The following UMODL1 variants were observed in gnomAD, a reference collection of about 807,000 sequenced individuals.
The protein encoded by UMODL1 is uromodulin like 1.
In UMODL1, 128 loss-of-function variants were observed where a neutral mutation model predicts 136.3. The ratio of observed to expected loss-of-function variants is 0.94; its 90% CI spans 0.81 to 1.09. The LOEUF (loss-of-function observed/expected upper bound fraction) is 1.09, where lower values mean the gene tolerates loss of function less well. Among genes scored for constraint, UMODL1 ranks in the 50% least tolerant of loss-of-function variants. The probability of loss-of-function intolerance (pLI) is 0.00; values close to 1 mark genes in which losing one functional copy is unlikely to be tolerated. For synonymous variants in UMODL1, 721 were observed against 720.0 expected (o/e 1.00, Z -0.02); for missense variants, 1,766 against 1,725.6 (o/e 1.02, Z -0.41).
At chr21:42,138,486 C>T (rs986263011) in intron 22 of UMODL1, among the ~76,000 whole-genome samples, 1 of 151,986 alleles carries the variant, frequency 6.6e-6, no homozygotes, top group African/African-American at 2.4e-5. Flanking sequence ...TAGTTCACCA[C>T]AAATGAATGA....
chr21:42,121,004 A>G lies in UMODL1; in HGVS notation c.2690-83A>G, dbSNP rs2066962784. On this transcript the variant is annotated intron_variant, in intron 15 of 22. Transcript: ENST00000408910. ...TGGAGTTTCCAGCTTTGTCTGTGAG[A>G]TGCACTCTCCCCCAACCAGGCTGCT... 3 of 1,512,050 alleles carry G rather than the reference A, an allele frequency of 2.0e-6. No homozygotes were observed. In the South Asian group the frequency reaches 3.9e-5, roughly 20 times the overall value. 93.7% of individuals were successfully genotyped at this position (1,512,050 alleles called of 1,614,324 possible).
intron 22 of UMODL1, among the ~76,000 whole-genome samples, chr21:42,139,928 A>T (rs771392363): frequency 6.6e-6 from 1 of 151,916 alleles, no homozygotes; most frequent in Non-Finnish European, 1.5e-5. Context: ...CACTTCCACA[A>T]GCGGGTGGCG....
chr21:42,142,740 C>T lies in UMODL1; in HGVS notation c.*666C>T, dbSNP rs2067299764. 1 of 152,214 alleles carries T rather than the reference C, an allele frequency of 6.6e-6. No homozygotes were observed. Among genetic ancestry groups the T allele is most frequent in the African/African-American group, 2.4e-5 (1 of 41,454 alleles). The allele number at this position is 152,214 out of a possible 1,614,324, so 9.4% of individuals were successfully genotyped here. ...GCAGAAATAACGTAGGTACACATCA[C>T]TCTTTACATTTTTCTAAGCATTTTC... On this transcript the variant is annotated 3_prime_UTR_variant, in exon 23 of 23. Coordinates refer to ENST00000408910, the MANE Select transcript of UMODL1 (RefSeq NM_001004416.3).
chr21:42,137,951 A>G (rs2067231155), intron 22 of UMODL1, among the ~76,000 whole-genome samples: 1 of 152,066 alleles, frequency 6.6e-6, no homozygotes. Context: ...TCCCTTCTGA[A>G]AAAGCAACCA....
Position 42,090,374 on chromosome 21 carries a change from C to T in UMODL1, c.867C>T (p.Tyr289=). The T allele has an allele frequency of 6.2e-7, 1 of 1,614,096 alleles. No individual in the cohort carries two copies. The highest frequency in any genetic ancestry group is 8.5e-7 in the Non-Finnish European group (1 of 1,179,968). ...RELCANLEGS[Y]WCVCHQEAPA... ...TGTGCGCAAACCTGGAGGGCTCGTA[C>T]TGGTGCGTCTGTCACCAGGAAGCTC... is the stretch of plus-strand genomic sequence containing the variant. The change falls in exon 6 of 23, where the codon TAC becomes TAT. Residue 289 remains tyrosine, a synonymous_variant. Coordinates refer to ENST00000408910, the MANE Select transcript of UMODL1 (RefSeq NM_001004416.3).
At chr21:42,117,636 A>G (rs2146518680) in intron 14 of UMODL1, among the ~76,000 whole-genome samples, 1 of 152,320 alleles carries the variant, frequency 6.6e-6, no homozygotes, top group Admixed American at 6.5e-5. Flanking sequence ...CTGTCGTGGT[A>G]ATACCGTAGC....
intron 20 of UMODL1, among the ~76,000 whole-genome samples, chr21:42,128,685 C>T (rs575032410): frequency 1.3e-5 from 2 of 152,334 alleles, no homozygotes; most frequent in East Asian, 1.9e-4. Flanking sequence ...GGAGCCTGCC[C>T]CTGGTTCCAC....
chr21:42,140,213 G>T (rs987495654), intron 22 of UMODL1, among the ~76,000 whole-genome samples: 2 of 152,208 alleles, frequency 1.3e-5, no homozygotes, highest in Non-Finnish European at 2.9e-5. Flanking sequence ...TGTTGACAAT[G>T]TCTGTTGTTT....
At chr21:42,110,574 G>C (rs1234357432) in intron 10 of UMODL1, among the ~76,000 whole-genome samples, 1 of 152,202 alleles carries the variant, frequency 6.6e-6, no homozygotes, top group Non-Finnish European at 1.5e-5. Flanking sequence ...ATTAATCTGA[G>C]GCCTATGAGA....
At chr21:42,121,921 T>A (rs555595042) in intron 16 of UMODL1, among the ~76,000 whole-genome samples, 1 of 152,156 alleles carries the variant, frequency 6.6e-6, no homozygotes, top group African/African-American at 2.4e-5. Context: ...GGTGGGTGGG[T>A]GCCGTGGTGA....
At position 42,099,064 on chromosome 21, in the gene UMODL1, GGA is replaced by G. The variant is rs1468020095; in HGVS notation, c.1071_1072del (p.Arg357SerfsTer44). 6.2e-7 allele frequency: 1 copy of G among 1,614,254 alleles called. No individual in the cohort carries two copies. The highest frequency in any genetic ancestry group is 8.5e-7 in the Non-Finnish European group (1 of 1,180,042). On this transcript the variant is annotated frameshift_variant, in exon 7 of 23. Transcript: ENST00000408910. LOFTEE classifies it high-confidence loss of function. The surrounding 1 kb of genome is among the most constrained non-coding windows in gnomAD (Gnocchi z 4.1). ...GGTATGGAGTTGCTCAGGAGCGCCAGGACACAGAGCCAGGCACTGGCAGTGGC... is the reference window on the plus strand; with the variant it reads ...GGTATGGAGTTGCTCAGGAGCGCCAGCACAGAGCCAGGCACTGGCAGTGGC...
Position 42,090,300 on chromosome 21 carries a change from G to C in UMODL1, c.793G>C (p.Val265Leu). ...YEVISVQVQD[V>L]NECFYEELNA... ...GGTCCTGCTCTCCTTCCCTGTAGAT[G>C]TCAATGAGTGTTTCTATGAGGAGCT... The change falls in exon 6 of 23, where the codon GTC becomes CTC. Residue 265 changes from valine (V) to leucine (L), a missense_variant and splice_region_variant. Val to Leu is a conservative substitution (Grantham distance 32). Transcript: ENST00000408910. 6.2e-7 allele frequency: 1 copy of C among 1,614,180 alleles called. No homozygotes were observed. The highest frequency in any genetic ancestry group is 8.5e-7 in the Non-Finnish European group (1 of 1,180,028).
chr21:42,136,586 C>G (rs1008204398), intron 21 of UMODL1, among the ~76,000 whole-genome samples: 6 of 152,202 alleles, frequency 3.9e-5, no homozygotes, highest in African/African-American at 1.4e-4. Context: ...GGTGGGGCCA[C>G]AATGTATGGA....
chr21:42,126,324 C>T, intron 17 of UMODL1, 21 bp from the exon 18 acceptor site: 1 of 1,613,420 alleles, frequency 6.2e-7, no homozygotes, highest in Non-Finnish European at 8.5e-7. Flanking sequence ...GGGAGCTCCT[C>T]ATGCTCCGCT....
Position 42,102,237 on chromosome 21 carries a change from A to G in UMODL1, c.1258A>G (p.Ser420Gly), listed in dbSNP as rs2066644668. Residue 420 changes from serine to glycine, a missense_variant, in exon 8 of 23, where the codon AGT (serine) becomes GGT (glycine). Ser to Gly is a moderately conservative substitution (Grantham distance 56). Coordinates refer to ENST00000408910, the MANE Select transcript of UMODL1 (RefSeq NM_001004416.3). Reference sequence around the variant, plus strand: ...GACGGAGAAGTTACTCAACCGCAGCAGTGTGGAGTACCAGGACTTTTCTAG... The same window carrying G: ...GACGGAGAAGTTACTCAACCGCAGCGGTGTGGAGTACCAGGACTTTTCTAG... ...NLTEKLLNRS[S>G]VEYQDFSRQL... is the part of the protein sequence containing the mutation. The G allele has an allele frequency of 2.5e-6, 4 of 1,613,832 alleles. No homozygotes were observed. Among genetic ancestry groups the G allele is most frequent in the Non-Finnish European group, 3.4e-6 (4 of 1,179,888 alleles).
At position 42,137,661 on chromosome 21, in the gene UMODL1, G is replaced by A; in HGVS notation, c.*21+20G>A. The A allele has an allele frequency of 3.0e-6, 2 of 661,562 alleles. No individual in the cohort carries two copies. Among genetic ancestry groups the A allele is most frequent in the South Asian group, 3.3e-5 (1 of 30,370 alleles). 41.0% of individuals were successfully genotyped at this position (661,562 alleles called of 1,614,324 possible). ...AGGAAGGTGGGTGCGGAGTGGGGTG[G>A]GAGGTGCAGGCTGACAGGAAGGTGG... On this transcript the variant is annotated intron_variant, in intron 22 of 22. Transcript: ENST00000408910.
At chr21:42,066,116 G>C (rs934731801) in intron 1 of UMODL1, among the ~76,000 whole-genome samples, 1 of 152,216 alleles carries the variant, frequency 6.6e-6, no homozygotes, top group Admixed American at 6.5e-5. Flanking sequence ...AGTTGGAAGA[G>C]GCCCTGGCAA....
intron 9 of UMODL1, among the ~76,000 whole-genome samples, chr21:42,105,028 G>C (rs920049469): frequency 2.7e-4 from 41 of 152,306 alleles, no homozygotes; most frequent in African/African-American, 9.4e-4. Flanking sequence ...GGGTCTTGGA[G>C]CTCAGCCACG....
At chr21:42,136,421 G>T (rs375443098) in intron 21 of UMODL1, among the ~76,000 whole-genome samples, 2 of 152,220 alleles carry the variant, frequency 1.3e-5, no homozygotes, top group Non-Finnish European at 2.9e-5. Flanking sequence ...TTCAGTTCCG[G>T]GTAGTTCCTA....
Sources: gnomAD v4.1 joint callset for allele counts (sites outside exome capture counted in the v4.1 genomes callset) on GRCh38, gnomAD v4.1.1 for gene constraint, Gnocchi (gnomAD v3.1) non-coding constraint, MANE v1.5 for transcripts, NCBI Gene and HGNC (gene_info 2026-07-23, HGNC 2026-07-21) for gene names.